Variants in BBOX1 observed in about 807,000 individuals in gnomAD.
BBOX1 encodes the protein gamma-butyrobetaine dioxygenase.
BBOX1 carries 35 observed loss-of-function variants against 41.6 expected under a neutral mutation model. The observed-to-expected ratio is 0.84, with a 90% CI of 0.64 to 1.11. The LOEUF (loss-of-function observed/expected upper bound fraction) is 1.11, where lower values mean the gene tolerates loss of function less well. Ranked by LOEUF, BBOX1 falls within the 50% of genes most tolerant of loss-of-function variation. The pLI is 0.00. For missense variants in BBOX1, 458 were observed against 460.6 expected (o/e 0.99, Z 0.05); for synonymous variants, 163 against 154.7 (o/e 1.05, Z -0.40).
At chr11:27,092,230 C>T (rs974880502) in intron 4 of BBOX1, among the ~76,000 whole-genome samples, 1 of 151,918 alleles carries the variant, frequency 6.6e-6, no homozygotes, top group Non-Finnish European at 1.5e-5. Flanking sequence ...CATTCCCCAG[C>T]TAGAAAAGAA....
intron 4 of BBOX1, 40 bp downstream of exon 4, chr11:27,057,355 AC>A (rs1857017299): frequency 6.9e-7 from 1 of 1,456,924 alleles, no homozygotes; most frequent in African/African-American, 1.4e-5. Context: ...TTAAACCCTT[AC>A]AGTAAAGGAT....
chr11:27,089,775 G>C lies in BBOX1; in HGVS notation c.335-3393G>C, dbSNP rs561499153. ...CTGGACATGGTCCACTTAGGTGTGA[G>C]CTTTGGAAAGAGGAAATGGTGATTT... On this transcript the variant is annotated intron_variant, in intron 4 of 8. Transcript: ENST00000263182. Among the ~76,000 whole-genome samples, 14 of 152,120 alleles carry C rather than the reference G, an allele frequency of 9.2e-5. No individual in the cohort carries two copies. In the East Asian group the frequency reaches 1.6e-3, roughly 17 times the overall value.
intron 4 of BBOX1, among the ~76,000 whole-genome samples, chr11:27,061,999 C>T (rs1283901848): frequency 1.3e-5 from 2 of 152,096 alleles, no homozygotes; most frequent in South Asian, 2.1e-4. Context: ...ACTTGAAGTA[C>T]ATTAAAACCA....
chr11:27,055,488 C>T lies in BBOX1; in HGVS notation c.58C>T (p.Leu20Phe). 6.2e-7 allele frequency: 1 copy of T among 1,614,166 alleles called. No individual in the cohort carries two copies. Among genetic ancestry groups the T allele is most frequent in the African/African-American group, 1.3e-5 (1 of 75,062 alleles). Residue 20 changes from leucine to phenylalanine, a missense_variant, in exon 3 of 9, where the codon CTC becomes TTC. Coordinates refer to ENST00000263182, the MANE Select transcript of BBOX1 (RefSeq NM_003986.3). ...ALDGAHLMQI[L>F]WYDEEESLYP... is the part of the protein sequence containing the mutation. ...TGACGGGGCTCATTTGATGCAGATC[C>T]TCTGGTATGATGAGGAAGAGTCTCT...
intron 2 of BBOX1, among the ~76,000 whole-genome samples, chr11:27,049,273 CA>C (rs1851594507): frequency 6.6e-6 from 1 of 152,066 alleles, no homozygotes; most frequent in Non-Finnish European, 1.5e-5. Flanking sequence ...GTCATTCTAA[CA>C]GATGTGAGAT....
At chr11:27,114,205 A>G (rs1388247099) in intron 5 of BBOX1, among the ~76,000 whole-genome samples, 1 of 151,864 alleles carries the variant, frequency 6.6e-6, no homozygotes, top group Non-Finnish European at 1.5e-5. Flanking sequence ...GGGGTAAAAG[A>G]CTTTTATAGT....
chr11:27,041,509 A>G (rs561997626), intron 2 of BBOX1, 31 bp downstream of exon 2: 2 of 152,276 alleles, frequency 1.3e-5, no homozygotes, highest in South Asian at 2.1e-4. Context: ...TGTGTAAAGC[A>G]TATCTGAGAA....
intron 4 of BBOX1, among the ~76,000 whole-genome samples, chr11:27,058,210 G>A (rs956590348): frequency 5.9e-5 from 9 of 152,090 alleles, no homozygotes; most frequent in Admixed American, 5.9e-4. Flanking sequence ...CATGTGACCT[G>A]CCTGCTCTCC....
chr11:27,092,349 G>A (rs192007142), intron 4 of BBOX1, among the ~76,000 whole-genome samples: 9 of 152,020 alleles, frequency 5.9e-5, no homozygotes, highest in Admixed American at 5.2e-4. Flanking sequence ...GAAATCAAAC[G>A]GATCAGCTAG....
rs371851477 is a variant in BBOX1, at chr11:27,124,747, C to G, written c.837-907C>G. 7.2e-5 allele frequency among the ~76,000 whole-genome samples: 11 copies of G among 152,242 alleles called. No individual in the cohort carries two copies. The South Asian group carries it at 1.0e-3, about 14-fold the overall frequency. On this transcript the variant is annotated intron_variant, in intron 7 of 8. Coordinates refer to ENST00000263182, the MANE Select transcript of BBOX1 (RefSeq NM_003986.3). ...ATGTTGGCCAGGCTGTCCTCGAGCTCCTGACCTCAACTGCCTCGCCCACCT... is the reference window on the plus strand; with the variant it reads ...ATGTTGGCCAGGCTGTCCTCGAGCTGCTGACCTCAACTGCCTCGCCCACCT...
At chr11:27,081,103 G>A (rs1201866068) in intron 4 of BBOX1, among the ~76,000 whole-genome samples, 1 of 152,110 alleles carries the variant, frequency 6.6e-6, no homozygotes, top group Admixed American at 6.6e-5. Context: ...CAAACCTTGA[G>A]TTGTTAAATT....
intron 2 of BBOX1, among the ~76,000 whole-genome samples, chr11:27,051,184 A>G (rs755317780): frequency 6.6e-6 from 1 of 152,084 alleles, no homozygotes; most frequent in Non-Finnish European, 1.5e-5. Flanking sequence ...GATAAATCTC[A>G]CTTGATCATA....
At chr11:27,065,622 C>T (rs1442936) in intron 4 of BBOX1, among the ~76,000 whole-genome samples, 61,872 of 151,880 alleles carry the variant, frequency 0.41, 13,147 homozygotes, top group African/African-American at 0.54. Context: ...TTGTAAGCTC[C>T]AGATAAACTT....
intron 4 of BBOX1, among the ~76,000 whole-genome samples, chr11:27,077,258 A>G (rs1288595150): frequency 2.0e-5 from 3 of 152,096 alleles, no homozygotes; most frequent in East Asian, 1.9e-4. Context: ...GGAATGCACA[A>G]AAGTCTTCCC....
At chr11:27,075,271 C>G (rs1857596460) in intron 4 of BBOX1, among the ~76,000 whole-genome samples, 1 of 152,134 alleles carries the variant, frequency 6.6e-6, no homozygotes, top group Non-Finnish European at 1.5e-5. Context: ...ATGACTTTCT[C>G]AGATGCTGGC....
chr11:27,127,252 A>T, intron 8 of BBOX1, 41 bp from the exon 9 acceptor site: 1 of 1,596,294 alleles, frequency 6.3e-7, no homozygotes. Flanking sequence ...TAAGTCATTT[A>T]AACACACAAT....
intron 5 of BBOX1, among the ~76,000 whole-genome samples, chr11:27,101,650 A>AT (rs1858661754): frequency 6.6e-6 from 1 of 152,070 alleles, no homozygotes; most frequent in Non-Finnish European, 1.5e-5. Flanking sequence ...TAATGGCAGT[A>AT]TTATTAACCT....
At chr11:27,062,186 A>G (rs1224335825) in intron 4 of BBOX1, among the ~76,000 whole-genome samples, 1 of 152,220 alleles carries the variant, frequency 6.6e-6, no homozygotes, top group Admixed American at 6.5e-5. Flanking sequence ...AAATCATCAA[A>G]GGGTAAAATA....
At chr11:27,053,519 A>AT (rs1194803253) in intron 2 of BBOX1, among the ~76,000 whole-genome samples, 8 of 152,346 alleles carry the variant, frequency 5.3e-5, no homozygotes, top group Non-Finnish European at 2.9e-5. Context: ...TTTACAGAAC[A>AT]TATTTGCCAT....
Sources: allele counts gnomAD v4.1 joint callset (sites outside exome capture counted in the v4.1 genomes callset), GRCh38; gene constraint gnomAD v4.1.1; transcripts MANE v1.5; gene names NCBI Gene and HGNC (gene_info 2026-07-23, HGNC 2026-07-21).